Variants in COL4A4 observed in about 807,000 individuals in gnomAD.
The protein encoded by COL4A4 is collagen type IV alpha 4 chain, also known as collagen alpha-4(IV) chain.
A neutral mutation model predicts 192.9 loss-of-function variants in COL4A4; 105 were observed. The observed-to-expected ratio is 0.54, with a 90% CI of 0.46 to 0.64. The LOEUF (loss-of-function observed/expected upper bound fraction) is 0.64, where lower values mean the gene tolerates loss of function less well. Among genes scored for constraint, COL4A4 ranks in the 30% least tolerant of loss-of-function variants. The pLI is 0.00. For missense variants in COL4A4, 1,967 were observed against 2,169.3 expected (o/e 0.91, Z 1.85); for synonymous variants, 762 against 769.9 (o/e 0.99, Z 0.17).
chr2:227,020,342 G>A (rs527653481), intron 44 of COL4A4, among the ~76,000 whole-genome samples: 22 of 152,230 alleles, frequency 1.4e-4, no homozygotes, highest in Middle Eastern at 3.4e-3. Flanking sequence ...CAAGAAAGAT[G>A]AGTTAAATAA....
At chr2:227,085,702 G>C (rs1428737356) in intron 22 of COL4A4, among the ~76,000 whole-genome samples, 1 of 152,118 alleles carries the variant, frequency 6.6e-6, no homozygotes, top group African/African-American at 2.4e-5. Context: ...AACTAACTGA[G>C]CAAGAACTAA....
At chr2:227,129,550 A>T (rs1576727564) in intron 4 of COL4A4, among the ~76,000 whole-genome samples, 1 of 152,082 alleles carries the variant, frequency 6.6e-6, no homozygotes, top group East Asian at 1.9e-4. Flanking sequence ...CTGGGATTAC[A>T]GGCGGCCACC....
intron 23 of COL4A4, among the ~76,000 whole-genome samples, chr2:227,081,313 AGGT>A (rs1161522280): frequency 2.0e-5 from 3 of 152,252 alleles, no homozygotes; most frequent in Non-Finnish European, 4.4e-5. Flanking sequence ...AGGTGGAAGA[AGGT>A]GGGATAAGCT....
At position 227,006,550 on chromosome 2, in the gene COL4A4, A is replaced by ATTT. The variant is rs59918285; in HGVS notation, c.*772_*774dup. On this transcript the variant is annotated 3_prime_UTR_variant, in exon 48 of 48. Transcript: ENST00000396625. ...TTAGGCTCCTAATCTCTTATTGAAT[A>ATTT]TTTTTTTTCCATAATTGCTACTTTT... 6.6e-6 allele frequency: 1 copy of ATTT among 151,862 alleles called. No homozygotes were observed. Among genetic ancestry groups the ATTT allele is most frequent in the African/African-American group, 2.4e-5 (1 of 41,288 alleles). 9.4% of individuals were successfully genotyped at this position (151,862 alleles called of 1,614,324 possible).
intron 36 of COL4A4, among the ~76,000 whole-genome samples, chr2:227,042,603 G>A: frequency 6.6e-6 from 1 of 152,102 alleles, no homozygotes; most frequent in Non-Finnish European, 1.5e-5. Flanking sequence ...TGAATGGCAG[G>A]AGAAATGCAA....
At chr2:227,140,967 C>G (rs2063169030) in intron 3 of COL4A4, among the ~76,000 whole-genome samples, 1 of 151,036 alleles carries the variant, frequency 6.6e-6, no homozygotes, top group Non-Finnish European at 1.5e-5. Flanking sequence ...TCCTAATCAC[C>G]TATATCCAGA....
chr2:227,101,954 T>C (rs761339538), intron 15 of COL4A4, 45 bp from the exon 16 acceptor site: 30 of 1,431,084 alleles, frequency 2.1e-5, no homozygotes, highest in Non-Finnish European at 2.8e-5. Context: ...TAAATCAGAA[T>C]GCATTAACCA....
chr2:227,135,676 CTT>C (rs1230472819), intron 4 of COL4A4, among the ~76,000 whole-genome samples: 1 of 151,432 alleles, frequency 6.6e-6, no homozygotes, highest in African/African-American at 2.4e-5. Flanking sequence ...GAGTTTTACT[CTT>C]GTCACCCAGG....
intron 1 of COL4A4, among the ~76,000 whole-genome samples, chr2:227,152,184 G>C (rs971816103): frequency 1.3e-5 from 2 of 152,180 alleles, no homozygotes; most frequent in African/African-American, 4.8e-5. Context: ...TACACCCTGG[G>C]ACAAAGCAGG....
intron 46 of COL4A4, among the ~76,000 whole-genome samples, chr2:227,009,709 AAGAGGAAAAGAGAAGAGAAG>A (rs1559399992): frequency 1.6e-5 from 2 of 127,722 alleles, no homozygotes; most frequent in African/African-American, 8.1e-5. Flanking sequence ...AAAAAAAAAA[AAGAGGAAAAGAGAAGAGAAG>A]AGAAAAGAGA....
chr2:227,084,654 A>C (rs1576393405), intron 22 of COL4A4, among the ~76,000 whole-genome samples: 1 of 152,194 alleles, frequency 6.6e-6, no homozygotes. Flanking sequence ...ACTACAAAGA[A>C]CCAGGCATTA....
rs760600045 is a variant in COL4A4 at position 227,008,308 on chromosome 2, G to T, written c.4523-4C>A. On this transcript the variant is annotated splice_region_variant and splice_polypyrimidine_tract_variant and intron_variant, in intron 46 of 47. Coordinates refer to ENST00000396625, the MANE Select transcript of COL4A4 (RefSeq NM_000092.5). ...GGAAGGCAAGACCCTGCCAGACCTT[G>T]GGAAGGGAAGAAGAGACAGCTGGTG... 4 of 1,613,946 alleles carry T rather than the reference G, an allele frequency of 2.5e-6. No individual in the cohort carries two copies. The highest frequency in any genetic ancestry group is 2.2e-5 in the East Asian group (1 of 44,894).
At chr2:227,057,653 G>A in intron 28 of COL4A4, 53 bp from the exon 29 acceptor site, 1 of 1,575,372 alleles carries the variant, frequency 6.3e-7, no homozygotes, top group African/African-American at 1.3e-5. Context: ...TATACAGATG[G>A]CCCATGATGA....
chr2:227,016,490 T>G (rs1964889286), intron 44 of COL4A4, among the ~76,000 whole-genome samples: 1 of 152,132 alleles, frequency 6.6e-6, no homozygotes, highest in African/African-American at 2.4e-5. Context: ...CAGGCATTCA[T>G]TTACGTGTTA....
chr2:227,059,516 T>G lies in COL4A4; in HGVS notation c.2272A>C (p.Ile758Leu). ...TGACCAAATGCAGGGTCTCCCGGGA[T>G]TCCTTTCTGACCATTCACTCCTGGT... Reference protein sequence around the residue: ...GSPGVNGQKGIPGDPAFGHLG... With the variant: ...GSPGVNGQKGLPGDPAFGHLG... Residue 758 changes from isoleucine to leucine, a missense_variant, in exon 28 of 48, where the codon ATC becomes CTC. Transcript: ENST00000396625. 2.5e-6 allele frequency: 4 copies of G among 1,614,126 alleles called. No individual in the cohort carries two copies. In the South Asian group the frequency reaches 4.4e-5, roughly 18 times the overall value.
chr2:227,048,473 T>C (rs1034934486), intron 34 of COL4A4, among the ~76,000 whole-genome samples: 1 of 152,174 alleles, frequency 6.6e-6, no homozygotes, highest in African/African-American at 2.4e-5. Flanking sequence ...GTAGAACATA[T>C]TGGAGTACAA....
chr2:227,118,615 T>G (rs763641495), intron 7 of COL4A4, 30 bp downstream of exon 7: 1 of 1,499,772 alleles, frequency 6.7e-7, no homozygotes, highest in South Asian at 1.1e-5. Context: ...CACTTAAGAT[T>G]CCTGTTAAGA....
downstream of COL4A4, among the ~76,000 whole-genome samples, chr2:227,001,613 A>G (rs1960977330): frequency 6.6e-6 from 1 of 152,210 alleles, no homozygotes; most frequent in African/African-American, 2.4e-5. Context: ...AAAGGATAAA[A>G]GTATTATCTT....
Position 227,032,279 on chromosome 2 carries a change from T to G in COL4A4, c.3578-3A>C. 1 of 1,612,942 alleles carries G rather than the reference T, an allele frequency of 6.2e-7. No individual in the cohort carries two copies. The highest frequency in any genetic ancestry group is 1.1e-5 in the South Asian group (1 of 90,966). Reference sequence around the variant, plus strand: ...AGGTGGCCCCACATCATGCAAACCTTAATGGGGAAAACAGAATTAATACTA... The same window carrying G: ...AGGTGGCCCCACATCATGCAAACCTGAATGGGGAAAACAGAATTAATACTA... On this transcript the variant is annotated splice_polypyrimidine_tract_variant and splice_region_variant and intron_variant, in intron 38 of 47. Coordinates refer to ENST00000396625, the MANE Select transcript of COL4A4 (RefSeq NM_000092.5).
Sources: gnomAD v4.1 joint callset for allele counts (sites outside exome capture counted in the v4.1 genomes callset) on GRCh38, gnomAD v4.1.1 for gene constraint, MANE v1.5 for transcripts, NCBI Gene and HGNC (gene_info 2026-07-23, HGNC 2026-07-21) for gene names.